XDH: variants seen among roughly 807,000 people sequenced by gnomAD.
The protein encoded by XDH is xanthine dehydrogenase/oxidase.
A neutral mutation model predicts 156.1 loss-of-function variants in XDH; 138 were observed. The ratio of observed to expected loss-of-function variants is 0.88; its 90% CI spans 0.77 to 1.02. XDH has a LOEUF of 1.02. Ranked by LOEUF, XDH falls within the 50% of genes least tolerant of loss-of-function variation. The probability of loss-of-function intolerance (pLI) is 0.00; values close to 1 mark genes in which losing one functional copy is unlikely to be tolerated. For missense variants in XDH, 1,849 were observed against 1,684.9 expected, an observed-to-expected ratio of 1.10 and a Z score of -1.71; for synonymous variants, 669 against 625.7, an observed-to-expected ratio of 1.07 and a Z score of -1.03.
chr2:31,378,055 G>GAAAGAAAGAAAGAAAGA (rs1686298042), intron 13 of XDH, among the ~76,000 whole-genome samples: 3 of 65,452 alleles, frequency 4.6e-5, no homozygotes, highest in African/African-American at 2.0e-4. Flanking sequence ...AGAAAGAAAG[G>GAAAGAAAGAAAGAAAGA]AAGAAAGAAA....
chr2:31,379,013 G>C (rs982697374), intron 13 of XDH, among the ~76,000 whole-genome samples: 2 of 152,136 alleles, frequency 1.3e-5, no homozygotes, highest in African/African-American at 4.8e-5. Context: ...AAATTACCAA[G>C]GGCAAAACAT....
In XDH at chr2:31,377,213, G is replaced by A; in HGVS notation, c.1267C>T (p.Gln423Ter). ...REGEYFSAFK[Q>*]ASRREDDIAK... Reference sequence around the variant, plus strand: ...ATGTCATCTTCTCTCCGGGAGGCCTGCTTGAATGCTGAGAAATACTCCCCC... The same window carrying A: ...ATGTCATCTTCTCTCCGGGAGGCCTACTTGAATGCTGAGAAATACTCCCCC... The change falls in exon 14 of 36, where the codon CAG becomes TAG. Residue 423 changes from glutamine to a stop codon, truncating the protein, a stop_gained. Coordinates refer to ENST00000379416, the MANE Select transcript of XDH (RefSeq NM_000379.4). LOFTEE classifies it high-confidence loss of function. 1 of 1,614,096 alleles carries A rather than the reference G, an allele frequency of 6.2e-7. No homozygotes were observed. Among genetic ancestry groups the A allele is most frequent in the Non-Finnish European group, 8.5e-7 (1 of 1,180,018 alleles).
chr2:31,386,318 G>A, intron 9 of XDH, 96 bp downstream of exon 9: 1 of 1,540,798 alleles, frequency 6.5e-7, no homozygotes, highest in Admixed American at 1.7e-5. Flanking sequence ...AGGGTGCAGA[G>A]GCAAGTAAAG....
chr2:31,346,684 T>C, intron 30 of XDH, 85 bp downstream of exon 30: 1 of 1,492,094 alleles, frequency 6.7e-7, no homozygotes, highest in African/African-American at 1.4e-5. Context: ...TATTGTCTCC[T>C]ATTACTTGTT....
intron 24 of XDH, among the ~76,000 whole-genome samples, chr2:31,352,376 G>A (rs1685508943): frequency 1.3e-5 from 2 of 151,976 alleles, no homozygotes; most frequent in Non-Finnish European, 2.9e-5. Context: ...TTTGGTTTTG[G>A]TTTATTTCCC....
chr2:31,344,544 A>G lies in XDH; in HGVS notation c.3404+140T>C, dbSNP rs1044505933. On this transcript the variant is annotated intron_variant, in intron 31 of 35. Coordinates refer to ENST00000379416, the MANE Select transcript of XDH (RefSeq NM_000379.4). ...CATATTTTAGAGCATCTTTAGACTG[A>G]AATTAGCGGAAGTCTGTTGAAGAGA... 5 of 984,882 alleles carry G rather than the reference A, an allele frequency of 5.1e-6. No homozygotes were observed. The African/African-American group carries it at 6.3e-5, about 12-fold the overall frequency. 61.0% of individuals were successfully genotyped at this position (984,882 alleles called of 1,614,324 possible).
chr2:31,366,654 T>G (rs1177418899), intron 21 of XDH, among the ~76,000 whole-genome samples: 1 of 152,146 alleles, frequency 6.6e-6, no homozygotes, highest in Non-Finnish European at 1.5e-5. Context: ...CAGGCCCCAT[T>G]TTATAAATGA....
At chr2:31,351,711 T>G (rs1193557460) in intron 24 of XDH, among the ~76,000 whole-genome samples, 1 of 152,240 alleles carries the variant, frequency 6.6e-6, no homozygotes, top group African/African-American at 2.4e-5. Flanking sequence ...TTTGACACCT[T>G]GCATGTCTGA....
chr2:31,336,049 G>A (rs538493016), intron 35 of XDH, 41 bp from the exon 36 acceptor site: 11 of 1,606,176 alleles, frequency 6.8e-6, no homozygotes, highest in Non-Finnish European at 8.5e-6. Context: ...AGGGTCTGCT[G>A]ATCATGCTCC....
chr2:31,408,718 C>G (rs1687259413), intron 1 of XDH, among the ~76,000 whole-genome samples: 1 of 152,270 alleles, frequency 6.6e-6, no homozygotes, highest in South Asian at 2.1e-4. Flanking sequence ...CTATGGAGAA[C>G]AGTTTGAAGT....
intron 1 of XDH, 38 bp downstream of exon 1, chr2:31,414,587 G>A (rs756088284): frequency 1.2e-5 from 19 of 1,613,414 alleles, no homozygotes; most frequent in Middle Eastern, 3.3e-4. Flanking sequence ...CCCTCCCAGG[G>A]AGAAGGGACA....
chr2:31,397,566 A>G, intron 6 of XDH, 102 bp downstream of exon 6: 1 of 1,393,930 alleles, frequency 7.2e-7, no homozygotes, highest in Non-Finnish European at 1.0e-6. Flanking sequence ...TCTTATCATC[A>G]TTGTTTGTAG....
At chr2:31,383,625 A>G in intron 10 of XDH, 130 bp downstream of exon 10, 1 of 857,254 alleles carries the variant, frequency 1.2e-6, no homozygotes, top group South Asian at 1.4e-5. Flanking sequence ...TCCCTGTGCA[A>G]GGTGAGCCCC....
intron 24 of XDH, among the ~76,000 whole-genome samples, chr2:31,363,305 A>AT (rs1472257310): frequency 6.6e-6 from 1 of 152,232 alleles, no homozygotes; most frequent in Non-Finnish European, 1.5e-5. Flanking sequence ...GTGAGACTCT[A>AT]TCTCAAAAGA....
chr2:31,386,471 G>A lies in XDH; in HGVS notation c.736C>T (p.Leu246=). ...WIQASTLKEL[L]DLKAQHPDAK... ...TCAGGGTGCTGAGCCTTGAGGTCCAGCAGCTCCTTGAGGGTTGAGGCCTGT... is the reference window on the plus strand; with the variant it reads ...TCAGGGTGCTGAGCCTTGAGGTCCAACAGCTCCTTGAGGGTTGAGGCCTGT... Residue 246 remains leucine (L), a synonymous_variant, in exon 9 of 36, where the codon CTG becomes TTG. Coordinates refer to ENST00000379416, the MANE Select transcript of XDH (RefSeq NM_000379.4). 1.2e-6 allele frequency: 2 copies of A among 1,614,036 alleles called. No homozygotes were observed. Among genetic ancestry groups the A allele is most frequent in the Non-Finnish European group, 1.7e-6 (2 of 1,180,028 alleles).
intron 10 of XDH, 98 bp downstream of exon 10, chr2:31,383,657 G>C (rs1686502845): frequency 2.6e-6 from 3 of 1,160,420 alleles, no homozygotes; most frequent in African/African-American, 3.0e-5. Flanking sequence ...GGGGCAGCCA[G>C]AGCCAGTGGG....
At chr2:31,362,987 A>G (rs1685814589) in intron 24 of XDH, among the ~76,000 whole-genome samples, 1 of 152,226 alleles carries the variant, frequency 6.6e-6, no homozygotes, top group African/African-American at 2.4e-5. Flanking sequence ...ATTATTCATC[A>G]ATGAACAGGA....
intron 9 of XDH, among the ~76,000 whole-genome samples, chr2:31,385,673 T>G (rs1686568926): frequency 6.6e-6 from 1 of 152,174 alleles, no homozygotes; most frequent in Non-Finnish European, 1.5e-5. Flanking sequence ...TGGGAACCTC[T>G]CCCCATCTCT....
chr2:31,386,122 G>T (rs1686585466), intron 9 of XDH, among the ~76,000 whole-genome samples: 1 of 152,168 alleles, frequency 6.6e-6, no homozygotes, highest in South Asian at 2.1e-4. Flanking sequence ...CCTTCAAGGA[G>T]TTGTTAGTAT....
Sources: gnomAD v4.1 joint callset for allele counts (sites outside exome capture counted in the v4.1 genomes callset) on GRCh38, gnomAD v4.1.1 for gene constraint, MANE v1.5 for transcripts, NCBI Gene and HGNC (gene_info 2026-07-23, HGNC 2026-07-21) for gene names.